Variants in ABAT observed in about 807,000 individuals in gnomAD.
ABAT encodes the protein 4-aminobutyrate aminotransferase, mitochondrial.
In ABAT, 45 loss-of-function variants were observed where a neutral mutation model predicts 64.6. The ratio of observed to expected loss-of-function variants is 0.70; its 90% confidence interval spans 0.55 to 0.89. ABAT has a LOEUF of 0.89. Ranked by LOEUF, ABAT falls within the 40% of genes least tolerant of loss-of-function variation. ABAT has a pLI of 0.00. For missense variants in ABAT, 633 were observed against 658.4 expected, an observed-to-expected ratio of 0.96 and a Z score of 0.42; for synonymous variants, 297 against 250.5, an observed-to-expected ratio of 1.19 and a Z score of -1.75.
At chr16:8,675,556 C>G (rs1367310254) in intron 1 of ABAT, among the ~76,000 whole-genome samples, 2 of 152,150 alleles carry the variant, frequency 1.3e-5, no homozygotes, top group Non-Finnish European at 2.9e-5. Context: ...ACTCCCACAC[C>G]TGGCTGCCCC....
At chr16:8,716,204 C>A (rs1315518929) in intron 1 of ABAT, among the ~76,000 whole-genome samples, 1 of 152,066 alleles carries the variant, frequency 6.6e-6, no homozygotes, top group African/African-American at 2.4e-5. Context: ...TGCCCCCACC[C>A]CCTGTTTTGT....
intron 1 of ABAT, among the ~76,000 whole-genome samples, chr16:8,735,209 T>C (rs905190795): frequency 6.6e-6 from 1 of 151,216 alleles, no homozygotes; most frequent in Non-Finnish European, 1.5e-5. Flanking sequence ...TTGAAGTATA[T>C]ATTCAGTATA....
intron 1 of ABAT, among the ~76,000 whole-genome samples, chr16:8,678,936 A>C (rs1641108): frequency 0.58 from 88,218 of 151,414 alleles, 26,110 homozygotes; most frequent in East Asian, 0.77. Context: ...TGGGGAATTA[A>C]AAGGACCTAG....
At chr16:8,737,880 A>T (rs1373299737) in intron 2 of ABAT, among the ~76,000 whole-genome samples, 2 of 141,564 alleles carry the variant, frequency 1.4e-5, no homozygotes, top group Admixed American at 7.4e-5. Flanking sequence ...GTAAGCTGAG[A>T]TTGAGCCACT....
At chr16:8,677,745 C>T (rs765754352) in intron 1 of ABAT, among the ~76,000 whole-genome samples, 4 of 152,144 alleles carry the variant, frequency 2.6e-5, no homozygotes, top group South Asian at 2.1e-4. Flanking sequence ...CCTTTTCCTT[C>T]GCTATTGAGA....
chr16:8,768,089 G>C lies in ABAT; in HGVS notation c.604-104G>C, dbSNP rs571211679. 32 of 1,263,424 alleles carry C rather than the reference G, an allele frequency of 2.5e-5. No individual in the cohort carries two copies. The East Asian group carries it at 6.7e-4, about 27-fold the overall frequency. The allele number at this position is 1,263,424 out of a possible 1,614,324, so 78.3% of individuals were successfully genotyped here. On this transcript the variant is annotated intron_variant, in intron 9 of 15. Coordinates refer to ENST00000268251, the MANE Select transcript of ABAT (RefSeq NM_020686.6). Reference sequence around the variant, plus strand: ...TAACTTTTGCCTGAGAAGGATTCCTGGTTCTTCTGATAGATTTCTGTGTCC... The same window carrying C: ...TAACTTTTGCCTGAGAAGGATTCCTCGTTCTTCTGATAGATTTCTGTGTCC...
chr16:8,710,535 A>T (rs560960605), intron 1 of ABAT, among the ~76,000 whole-genome samples: 16 of 152,154 alleles, frequency 1.1e-4, no homozygotes, highest in Admixed American at 7.2e-4. Flanking sequence ...CCAGGAGTTC[A>T]TAACCAACCT....
chr16:8,726,790 T>A (rs1268922232), intron 1 of ABAT, among the ~76,000 whole-genome samples: 1 of 152,224 alleles, frequency 6.6e-6, no homozygotes, highest in African/African-American at 2.4e-5. Flanking sequence ...GTGGTTGTAC[T>A]AGTTTACATT....
At position 8,761,548 on chromosome 16, in the gene ABAT, A is replaced by G. The variant is rs113711491; in HGVS notation, c.367-2521A>G. On this transcript the variant is annotated intron_variant, in intron 6 of 15. Coordinates refer to ENST00000268251, the MANE Select transcript of ABAT (RefSeq NM_020686.6). ...GGTGCTGGGATTTGATGGTGAATCC[A>G]CGTTCTCCGTCCCAGTCTGGGTTGG... Among the ~76,000 whole-genome samples the G allele has an allele frequency of 5.9e-5, 9 of 152,240 alleles. 1 individual carries two copies. Among genetic ancestry groups the G allele is most frequent in the African/African-American group, 2.2e-4 (9 of 41,546 alleles).
chr16:8,762,012 T>C (rs945161684), intron 6 of ABAT, among the ~76,000 whole-genome samples: 1 of 152,062 alleles, frequency 6.6e-6, no homozygotes, highest in Non-Finnish European at 1.5e-5. Context: ...TTCTCCTTCT[T>C]CTTCTTTCTT....
chr16:8,739,195 A>G (rs1434049253), intron 2 of ABAT, among the ~76,000 whole-genome samples: 3 of 152,186 alleles, frequency 2.0e-5, no homozygotes, highest in Non-Finnish European at 4.4e-5. Flanking sequence ...CTGGTGGCGC[A>G]TGTGGCACCA....
At chr16:8,685,968 C>A (rs1335971160) in intron 1 of ABAT, among the ~76,000 whole-genome samples, 1 of 152,184 alleles carries the variant, frequency 6.6e-6, no homozygotes, top group Non-Finnish European at 1.5e-5. Flanking sequence ...CTCCCACTAG[C>A]CTTTGAGCTC....
chr16:8,729,826 C>CT (rs1471863915), intron 1 of ABAT, among the ~76,000 whole-genome samples: 1 of 19,946 alleles, frequency 5.0e-5, no homozygotes, highest in African/African-American at 2.0e-4. Flanking sequence ...CCTTTTTTGT[C>CT]TTAAAAAAAA....
At chr16:8,771,232 T>C (rs2060096915) in intron 11 of ABAT, among the ~76,000 whole-genome samples, 1 of 151,326 alleles carries the variant, frequency 6.6e-6, no homozygotes, top group African/African-American at 2.4e-5. Context: ...GAGGTGGTGG[T>C]TGCGGTGAGC....
chr16:8,776,526 A>G lies in ABAT; in HGVS notation c.1269+36A>G. On this transcript the variant is annotated intron_variant, in intron 14 of 15. Coordinates refer to ENST00000268251, the MANE Select transcript of ABAT (RefSeq NM_020686.6). This position sits in a 1 kb window ranked among gnomAD's most constrained non-coding sequence, Gnocchi z 4.4. The stretch of plus-strand genomic sequence containing the variant: ...CTCCCCTGCCCCGCCCCCACCACCC[A>G]TGGCTCCCCGCAGCAGCCTCCGGGG... The G allele has an allele frequency of 7.2e-7, 1 of 1,387,340 alleles. No homozygotes were observed. The highest frequency in any genetic ancestry group is 1.2e-5 in the South Asian group (1 of 81,478). The allele number at this position is 1,387,340 out of a possible 1,614,324, so 85.9% of individuals were successfully genotyped here. A position where few individuals can be genotyped will look rare whatever the true frequency, so the allele number is the denominator to read the frequency against.
chr16:8,764,628 G>A lies in ABAT; in HGVS notation c.448-110G>A, dbSNP rs573160174. 93 of 1,056,832 alleles carry A rather than the reference G, an allele frequency of 8.8e-5. No homozygotes were observed. Among genetic ancestry groups the A allele is most frequent in the Non-Finnish European group, 1.3e-4 (89 of 687,058 alleles). The allele number at this position is 1,056,832 out of a possible 1,614,324, so 65.5% of individuals were successfully genotyped here. Reference sequence around the variant, plus strand: ...TCCGACACCTTCCAGGACAGCCCTGGTTCTGTCTGTCCCCGGTACGGCCCC... The same window carrying A: ...TCCGACACCTTCCAGGACAGCCCTGATTCTGTCTGTCCCCGGTACGGCCCC... On this transcript the variant is annotated intron_variant, in intron 7 of 15. Coordinates refer to ENST00000268251, the MANE Select transcript of ABAT (RefSeq NM_020686.6). This position sits in a 1 kb window ranked among gnomAD's most constrained non-coding sequence, Gnocchi z 4.2.
intron 1 of ABAT, among the ~76,000 whole-genome samples, chr16:8,708,445 A>G (rs1187624095): frequency 1.3e-5 from 2 of 151,652 alleles, no homozygotes; most frequent in Non-Finnish European, 2.9e-5. Flanking sequence ...CAGGGATGGC[A>G]GTGGTGGGGT....
At chr16:8,733,151 C>T (rs538917545) in intron 1 of ABAT, among the ~76,000 whole-genome samples, 4 of 149,708 alleles carry the variant, frequency 2.7e-5, no homozygotes, top group Admixed American at 6.6e-5. Context: ...CCCTCCCGGA[C>T]GGGGTGGCTG....
In ABAT at chr16:8,764,956, T is replaced by TACAGGGAG; in HGVS notation, c.540+127_540+134dup. 1.1e-6 allele frequency: 1 copy of TACAGGGAG among 897,080 alleles called. No homozygotes were observed. The highest frequency in any genetic ancestry group is 1.8e-6 in the Non-Finnish European group (1 of 557,226). The allele number at this position is 897,080 out of a possible 1,614,324, so 55.6% of individuals were successfully genotyped here. A position where few individuals can be genotyped will look rare whatever the true frequency, so the allele number is the denominator to read the frequency against. On this transcript the variant is annotated intron_variant, in intron 8 of 15. Coordinates refer to ENST00000268251, the MANE Select transcript of ABAT (RefSeq NM_020686.6). This position sits in a 1 kb window ranked among gnomAD's most constrained non-coding sequence, Gnocchi z 4.2. ...TTAGACATCAGTACCAGGGTTAAAA[T>TACAGGGAG]ACAGGGAGGGCCACTGCTGGATGGT...
Sources: allele counts gnomAD v4.1 joint callset (sites outside exome capture counted in the v4.1 genomes callset), GRCh38; gene constraint gnomAD v4.1.1; non-coding constraint Gnocchi (gnomAD v3.1); transcripts MANE v1.5; gene names NCBI Gene and HGNC (gene_info 2026-07-23, HGNC 2026-07-21).